Variants in CYP7B1 observed in about 807,000 individuals in gnomAD.
CYP7B1 encodes cytochrome P450 family 7 subfamily B member 1, also known as cytochrome P450 7B1.
Under a neutral mutation model 42.7 loss-of-function variants are expected in CYP7B1, and 29 were observed. The ratio of observed to expected loss-of-function variants is 0.68; its 90% CI spans 0.51 to 0.93. CYP7B1 has a LOEUF of 0.93. Among genes scored for constraint, CYP7B1 ranks in the 40% least tolerant of loss-of-function variants. CYP7B1 has a pLI of 0.00. For missense variants in CYP7B1, 655 were observed against 600.5 expected, an observed-to-expected ratio of 1.09 and a Z score of -0.95; for synonymous variants, 235 against 218.2, an observed-to-expected ratio of 1.08 and a Z score of -0.68.
chr8:64,695,667 A>G (rs1806816179), intron 1 of CYP7B1, among the ~76,000 whole-genome samples: 1 of 132,236 alleles, frequency 7.6e-6, no homozygotes, highest in Non-Finnish European at 1.5e-5. Context: ...TAATGTGATT[A>G]CTATGGCAAT....
At chr8:64,744,479 T>G (rs1301653548) in intron 1 of CYP7B1, among the ~76,000 whole-genome samples, 1 of 152,142 alleles carries the variant, frequency 6.6e-6, no homozygotes, top group Non-Finnish European at 1.5e-5. Flanking sequence ...ATTTAACATA[T>G]TCAAGTAAAG....
chr8:64,615,689 A>G lies in CYP7B1; in HGVS notation c.850+2T>C. On this transcript the variant is annotated splice_donor_variant, in intron 3 of 5. Coordinates refer to ENST00000310193, the MANE Select transcript of CYP7B1 (RefSeq NM_004820.5). LOFTEE classifies it high-confidence loss of function. ...GGCAAGTGCTCATTCAGAAGTTCTTACCTCCTATTTCAAGGTCCTCGTGCA... is the reference window on the plus strand; with the variant it reads ...GGCAAGTGCTCATTCAGAAGTTCTTGCCTCCTATTTCAAGGTCCTCGTGCA... 1 of 1,612,734 alleles carries G rather than the reference A, an allele frequency of 6.2e-7. No homozygotes were observed. The highest frequency in any genetic ancestry group is 8.5e-7 in the Non-Finnish European group (1 of 1,178,968).
At chr8:64,751,703 T>C (rs1397560371) in intron 1 of CYP7B1, among the ~76,000 whole-genome samples, 2 of 152,180 alleles carry the variant, frequency 1.3e-5, no homozygotes, top group Admixed American at 6.5e-5. Context: ...CAATATACTA[T>C]GCAACTGACA....
At chr8:64,761,142 C>T (rs1807883821) in intron 1 of CYP7B1, among the ~76,000 whole-genome samples, 1 of 151,834 alleles carries the variant, frequency 6.6e-6, no homozygotes, top group African/African-American at 2.4e-5. Flanking sequence ...AAAGGTTGAA[C>T]CTAGAGAAAC....
At chr8:64,634,705 G>C (rs983339113) in intron 1 of CYP7B1, among the ~76,000 whole-genome samples, 1 of 152,080 alleles carries the variant, frequency 6.6e-6, no homozygotes, top group African/African-American at 2.4e-5. Flanking sequence ...TGAATCAAAG[G>C]TTGATTTTTT....
intron 1 of CYP7B1, chr8:64,728,955 T>C (rs1266519556): frequency 6.6e-6 from 1 of 152,156 alleles, no homozygotes; most frequent in Non-Finnish European, 1.5e-5. Context: ...GTCCAGGAGT[T>C]CAAGAACAGC....
intron 1 of CYP7B1, among the ~76,000 whole-genome samples, chr8:64,737,671 C>T (rs1434154865): frequency 6.6e-6 from 1 of 152,214 alleles, no homozygotes; most frequent in Non-Finnish European, 1.5e-5. Context: ...CTCCTAGGCT[C>T]CTCTTCTCAG....
chr8:64,607,100 G>T (rs1393359020), intron 4 of CYP7B1, among the ~76,000 whole-genome samples: 4 of 152,170 alleles, frequency 2.6e-5, no homozygotes, highest in Non-Finnish European at 4.4e-5. Flanking sequence ...ATCTGTTTCT[G>T]TGCTAGTGCC....
chr8:64,597,763 T>C (rs1472318214), intron 5 of CYP7B1, among the ~76,000 whole-genome samples: 1 of 152,232 alleles, frequency 6.6e-6, no homozygotes, highest in East Asian at 1.9e-4. Context: ...TGAGTGACCT[T>C]ATTTTAGCCT....
intron 1 of CYP7B1, among the ~76,000 whole-genome samples, chr8:64,745,294 A>T (rs1807627842): frequency 6.6e-6 from 1 of 152,206 alleles, no homozygotes; most frequent in South Asian, 2.1e-4. Context: ...TGCAATATCA[A>T]GATTGTTTCT....
At chr8:64,642,135 T>A (rs757262316) in intron 1 of CYP7B1, among the ~76,000 whole-genome samples, 2 of 152,226 alleles carry the variant, frequency 1.3e-5, no homozygotes, top group Non-Finnish European at 2.9e-5. Flanking sequence ...ATACTTTTGA[T>A]CTAGCATGTA....
At chr8:64,741,405 C>T (rs1420302345) in intron 1 of CYP7B1, among the ~76,000 whole-genome samples, 1 of 152,042 alleles carries the variant, frequency 6.6e-6, no homozygotes, top group Non-Finnish European at 1.5e-5. Flanking sequence ...CTGCAACCTT[C>T]ACCTCCCGAA....
intron 1 of CYP7B1, among the ~76,000 whole-genome samples, chr8:64,661,384 C>T (rs1806197756): frequency 1.3e-5 from 2 of 152,168 alleles, no homozygotes; most frequent in South Asian, 4.1e-4. Context: ...TGAAAGTTAG[C>T]TTCCGTCAGC....
intron 1 of CYP7B1, among the ~76,000 whole-genome samples, chr8:64,777,373 C>A (rs996222800): frequency 1.3e-5 from 2 of 151,970 alleles, no homozygotes; most frequent in Non-Finnish European, 2.9e-5. Context: ...AAAAAATATG[C>A]TCAAGCCTCA....
chr8:64,667,422 A>G (rs967700225), intron 1 of CYP7B1, among the ~76,000 whole-genome samples: 1 of 152,154 alleles, frequency 6.6e-6, no homozygotes, highest in African/African-American at 2.4e-5. Context: ...CCTATTCTGA[A>G]AAGAGCTAAA....
chr8:64,657,205 G>T (rs1312090457), intron 1 of CYP7B1, among the ~76,000 whole-genome samples: 2 of 152,122 alleles, frequency 1.3e-5, no homozygotes, highest in East Asian at 3.9e-4. Flanking sequence ...TCAGTGTATT[G>T]TTCCACGACC....
At chr8:64,771,087 G>T (rs1804217216) in intron 1 of CYP7B1, among the ~76,000 whole-genome samples, 1 of 58,220 alleles carries the variant, frequency 1.7e-5, no homozygotes, top group Non-Finnish European at 3.2e-5. Context: ...TTTTAGACAG[G>T]GTCTTGCTCT....
intron 1 of CYP7B1, among the ~76,000 whole-genome samples, chr8:64,722,973 G>A (rs1807268976): frequency 6.6e-6 from 1 of 151,906 alleles, no homozygotes; most frequent in South Asian, 2.1e-4. Flanking sequence ...TTAAAATAGA[G>A]TAAAATCTCA....
chr8:64,614,821 C>A (rs191111691), intron 4 of CYP7B1, among the ~76,000 whole-genome samples: 2 of 152,114 alleles, frequency 1.3e-5, no homozygotes, highest in Non-Finnish European at 2.9e-5. Context: ...GCATACCTTG[C>A]ACAGTTAATT....
Sources: gnomAD v4.1 joint callset for allele counts (sites outside exome capture counted in the v4.1 genomes callset) on GRCh38, gnomAD v4.1.1 for gene constraint, MANE v1.5 for transcripts, NCBI Gene and HGNC (gene_info 2026-07-23, HGNC 2026-07-21) for gene names.